CSMD1: variants seen among roughly 807,000 people sequenced by gnomAD.
The protein encoded by CSMD1 is CUB and Sushi multiple domains 1.
CSMD1 carries 213 observed loss-of-function variants against 417.5 expected under a neutral mutation model. The ratio of observed to expected loss-of-function variants is 0.51; its 90% confidence interval spans 0.46 to 0.57. The LOEUF is 0.57. CSMD1 is among the 20% of genes least tolerant of loss of function. CSMD1 has a pLI of 0.00. For missense variants in CSMD1, 6,923 were observed against 4,529.7 expected (o/e 1.53, Z -15.17); for synonymous variants, 2,862 against 1,736.8 (o/e 1.65, Z -16.11).
chr8:4,536,093 A>G (rs760369539), intron 2 of CSMD1, among the ~76,000 whole-genome samples: 3 of 152,190 alleles, frequency 2.0e-5, no homozygotes, highest in Non-Finnish European at 4.4e-5. Flanking sequence ...AAGTCAGTAA[A>G]TCTGATTACC....
At chr8:3,893,193 C>G (rs898080864) in intron 5 of CSMD1, among the ~76,000 whole-genome samples, 8 of 151,272 alleles carry the variant, frequency 5.3e-5, no homozygotes, top group Non-Finnish European at 1.0e-4. Context: ...TCCCAGGGCA[C>G]GTCAGAAATA....
chr8:4,969,249 A>G lies in CSMD1; in HGVS notation c.85+25083T>C, dbSNP rs186297691. Among the ~76,000 whole-genome samples, 364 of 152,210 alleles carry G rather than the reference A, an allele frequency of 2.4e-3. 1 individual carries two copies. Among genetic ancestry groups the G allele is most frequent in the Middle Eastern group, 0.017 (5 of 292 alleles). On this transcript the variant is annotated intron_variant, in intron 1 of 69. Coordinates refer to ENST00000635120, the MANE Select transcript of CSMD1 (RefSeq NM_033225.6). The stretch of plus-strand genomic sequence containing the variant: ...AACAAACCTAATGCTTAGTAAGTTA[A>G]TGTTCTATAAGAATTACTTAGGCAT...
chr8:4,438,611 C>A lies in CSMD1; in HGVS notation c.303-18546G>T, dbSNP rs185314654. ...AGTCACATTGTGCTGAATCATGCTC[C>A]TATTATTTTATACCTACATTATCCC... On this transcript the variant is annotated intron_variant, in intron 2 of 69. Transcript: ENST00000635120. 1.2e-4 allele frequency among the ~76,000 whole-genome samples: 18 copies of A among 152,242 alleles called. No homozygotes were observed. In the East Asian group the frequency reaches 2.7e-3, roughly 23 times the overall value.
intron 3 of CSMD1, among the ~76,000 whole-genome samples, chr8:4,406,791 G>C (rs572540447): frequency 1.1e-4 from 16 of 152,296 alleles, no homozygotes; most frequent in Non-Finnish European, 1.5e-4. Context: ...GAGTCATCTG[G>C]TGTTTGATGA....
rs114724453 is a variant in CSMD1, at chr8:4,239,494, C to T, written c.415+180459G>A. ...ATGTAGCACCCTCAGATCAGCTGCC[C>T]CACCCCAGTCTGGTCCTCAGAGCTG... On this transcript the variant is annotated intron_variant, in intron 3 of 69. Transcript: ENST00000635120. Among the ~76,000 whole-genome samples, 408 of 152,226 alleles carry T rather than the reference C, an allele frequency of 2.7e-3. 3 individuals are homozygous for T. Among genetic ancestry groups the T allele is most frequent in the African/African-American group, 9.6e-3 (398 of 41,538 alleles).
intron 52 of CSMD1, among the ~76,000 whole-genome samples, chr8:3,013,520 G>T (rs1480794431): frequency 1.3e-5 from 2 of 152,180 alleles, no homozygotes; most frequent in Non-Finnish European, 2.9e-5. Context: ...GGAGGCCAAG[G>T]CGGGCAGATC....
At chr8:4,452,120 G>A (rs968884145) in intron 2 of CSMD1, among the ~76,000 whole-genome samples, 3 of 152,094 alleles carry the variant, frequency 2.0e-5, no homozygotes, top group Non-Finnish European at 4.4e-5. Context: ...TGCTTCCAGA[G>A]GTCTGTACAA....
intron 3 of CSMD1, among the ~76,000 whole-genome samples, chr8:4,297,111 G>T (rs1797728716): frequency 6.6e-6 from 1 of 152,092 alleles, no homozygotes. Context: ...CATCGTAGGT[G>T]TAATACGTTT....
At chr8:4,947,723 A>G (rs969597992) in intron 1 of CSMD1, among the ~76,000 whole-genome samples, 4 of 152,108 alleles carry the variant, frequency 2.6e-5, no homozygotes, top group African/African-American at 9.7e-5. Context: ...TAAAGTTTGT[A>G]GCTGAGTTTG....
intron 23 of CSMD1, among the ~76,000 whole-genome samples, chr8:3,309,283 C>A (rs1805140129): frequency 1.3e-5 from 2 of 152,042 alleles, no homozygotes. Flanking sequence ...ACCTTCCCGA[C>A]AACTTCTTCC....
chr8:2,960,015 C>T (rs1803321049), intron 62 of CSMD1, among the ~76,000 whole-genome samples: 1 of 152,086 alleles, frequency 6.6e-6, no homozygotes, highest in Non-Finnish European at 1.5e-5. Context: ...GGTTATAGAA[C>T]TATGTTGCTA....
At chr8:3,578,410 C>A (rs371949875) in intron 9 of CSMD1, among the ~76,000 whole-genome samples, 2 of 151,988 alleles carry the variant, frequency 1.3e-5, no homozygotes, top group African/African-American at 4.8e-5. Context: ...CAGCAGCCTG[C>A]GAGGCAGGAA....
At chr8:4,539,322 C>A in intron 2 of CSMD1, among the ~76,000 whole-genome samples, 1 of 152,162 alleles carries the variant, frequency 6.6e-6, no homozygotes, top group Middle Eastern at 3.2e-3. Context: ...AAGACATTTT[C>A]AGTCTAAATA....
In CSMD1 at chr8:4,590,237, T is replaced by C. The variant is rs545198778; in HGVS notation, c.302+47105A>G. 2.6e-5 allele frequency among the ~76,000 whole-genome samples: 4 copies of C among 152,244 alleles called. No individual in the cohort carries two copies. In the South Asian group the frequency reaches 8.3e-4, roughly 32 times the overall value. ...TGGTATGTGTTACAAGAGTAGTGTC[T>C]AGCGTCATACTTGAAAGTGGAGAGA... On this transcript the variant is annotated intron_variant, in intron 2 of 69. Coordinates refer to ENST00000635120, the MANE Select transcript of CSMD1 (RefSeq NM_033225.6).
At chr8:4,323,288 C>T (rs1160840512) in intron 3 of CSMD1, among the ~76,000 whole-genome samples, 3 of 152,142 alleles carry the variant, frequency 2.0e-5, no homozygotes, top group Non-Finnish European at 4.4e-5. Context: ...GTTCAACAGA[C>T]TTATTTCACA....
chr8:4,468,380 T>C (rs1315230949), intron 2 of CSMD1, among the ~76,000 whole-genome samples: 1 of 152,182 alleles, frequency 6.6e-6, no homozygotes, highest in Non-Finnish European at 1.5e-5. Context: ...ATAAAGAGGA[T>C]AATATTTTGA....
chr8:4,303,420 CTGTTTTTTTTTTTT>C (rs1563419665), intron 3 of CSMD1, among the ~76,000 whole-genome samples: 82 of 92,232 alleles, frequency 8.9e-4, no homozygotes, highest in Admixed American at 1.5e-3. Context: ...GGGCAGGAAG[CTGTTTTTTTTTTTT>C]TTTTTTTTTT....
intron 54 of CSMD1, among the ~76,000 whole-genome samples, chr8:2,985,956 G>C (rs1805861675): frequency 6.9e-6 from 1 of 145,184 alleles, no homozygotes; most frequent in Non-Finnish European, 1.5e-5. Flanking sequence ...GGAAGGGGAA[G>C]GGGAAGGGGA....
At chr8:2,942,268 C>T (rs749644634) in intron 69 of CSMD1, among the ~76,000 whole-genome samples, 16 of 151,646 alleles carry the variant, frequency 1.1e-4, no homozygotes, top group African/African-American at 2.4e-4. Flanking sequence ...CAGACCACCC[C>T]GGCTTACATT....
Sources: gnomAD v4.1 joint callset for allele counts (sites outside exome capture counted in the v4.1 genomes callset) on GRCh38, gnomAD v4.1.1 for gene constraint, MANE v1.5 for transcripts, NCBI Gene and HGNC (gene_info 2026-07-23, HGNC 2026-07-21) for gene names.